ANO10: variants seen among roughly 807,000 people sequenced by gnomAD.
The protein encoded by ANO10 is anoctamin 10, also known as anoctamin-10.
Under a neutral mutation model 74.7 loss-of-function variants are expected in ANO10, and 77 were observed. The ratio of observed to expected loss-of-function variants is 1.03; its 90% CI spans 0.86 to 1.25. ANO10 has a LOEUF of 1.25. ANO10 is among the 50% of genes most tolerant of loss of function. The pLI is 0.00. For synonymous variants in ANO10, 279 were observed against 284.9 expected, an observed-to-expected ratio of 0.98 and a Z score of 0.21; for missense variants, 721 against 778.1, an observed-to-expected ratio of 0.93 and a Z score of 0.87.
Position 43,574,850 on chromosome 3 carries a change from C to A in ANO10, c.1177G>T (p.Glu393Ter). ...FLTSWENHRLESAYQNHLILK... is the reference protein window; with the variant it reads ...FLTSWENHRL ...ATTAGATGGTTCTGATAGGCAGATT[C>A]CAATCTGTGATTCTCTAAAACATTA... The change falls in exon 7 of 13, where the codon GAA becomes TAA. Residue 393 changes from glutamate (E) to a stop codon, truncating the protein, a stop_gained. Transcript: ENST00000292246. LOFTEE classifies it high-confidence loss of function. 1 of 1,613,912 alleles carries A rather than the reference C, an allele frequency of 6.2e-7. No individual in the cohort carries two copies. Among genetic ancestry groups the A allele is most frequent in the Non-Finnish European group, 8.5e-7 (1 of 1,179,864 alleles).
intron 11 of ANO10, 39 bp from the exon 12 acceptor site, chr3:43,432,766 AG>A: frequency 7.1e-6 from 9 of 1,268,774 alleles, no homozygotes; most frequent in South Asian, 1.2e-5. Context: ...GTGATACATC[AG>A]ACCATATATG....
At chr3:43,639,372 G>A (rs1242142851) in intron 1 of ANO10, among the ~76,000 whole-genome samples, 2 of 152,284 alleles carry the variant, frequency 1.3e-5, no homozygotes, top group Admixed American at 6.5e-5. Context: ...CCACACCCTT[G>A]CTAGGTGTTT....
intron 11 of ANO10, among the ~76,000 whole-genome samples, chr3:43,512,801 A>G (rs1054671841): frequency 6.6e-6 from 1 of 152,208 alleles, no homozygotes; most frequent in Non-Finnish European, 1.5e-5. Context: ...AAAAAACAAG[A>G]CAAACTTTAT....
At chr3:43,422,451 G>A (rs1008661100) in intron 12 of ANO10, among the ~76,000 whole-genome samples, 11 of 152,110 alleles carry the variant, frequency 7.2e-5, no homozygotes, top group African/African-American at 2.7e-4. Context: ...TAAGCATTCT[G>A]ATATCTCTAG....
At chr3:43,544,859 G>T (rs927529359) in intron 11 of ANO10, among the ~76,000 whole-genome samples, 4 of 150,316 alleles carry the variant, frequency 2.7e-5, no homozygotes, top group Middle Eastern at 3.5e-3. Context: ...CCTGGCTTTG[G>T]AAATGTGATC....
chr3:43,647,674 C>T (rs1046724348), intron 1 of ANO10, among the ~76,000 whole-genome samples: 4 of 152,112 alleles, frequency 2.6e-5, no homozygotes, highest in African/African-American at 7.2e-5. Flanking sequence ...ACTCTGTATT[C>T]GAAGTATTCA....
intron 11 of ANO10, among the ~76,000 whole-genome samples, chr3:43,544,507 T>C (rs1017839237): frequency 6.6e-6 from 1 of 151,888 alleles, no homozygotes; most frequent in African/African-American, 2.4e-5. Context: ...AAATGAAGAA[T>C]CAGGGCTGGG....
At chr3:43,505,589 T>C (rs994961466) in intron 11 of ANO10, among the ~76,000 whole-genome samples, 1 of 152,248 alleles carries the variant, frequency 6.6e-6, no homozygotes, top group Non-Finnish European at 1.5e-5. Context: ...TAACACATTT[T>C]CTTCACGTGC....
chr3:43,612,165 TATATATATATATATATATA>T (rs1483841912), intron 1 of ANO10, among the ~76,000 whole-genome samples: 1 of 131,420 alleles, frequency 7.6e-6, no homozygotes, highest in African/African-American at 3.1e-5. Flanking sequence ...TATATATATA[TATATATATATATATATATA>T]TGCCCAAGAA....
intron 11 of ANO10, among the ~76,000 whole-genome samples, chr3:43,527,781 A>G (rs2078272881): frequency 6.6e-6 from 1 of 152,164 alleles, no homozygotes; most frequent in African/African-American, 2.4e-5. Context: ...AGATAAAATC[A>G]CCCCCAGAAA....
At chr3:43,681,428 GC>G (rs1312354552) in intron 1 of ANO10, among the ~76,000 whole-genome samples, 1 of 152,124 alleles carries the variant, frequency 6.6e-6, no homozygotes, top group East Asian at 1.9e-4. Context: ...GATTCATAAA[GC>G]AAGTCCTCAG....
At chr3:43,444,383 G>A (rs188114351) in intron 11 of ANO10, among the ~76,000 whole-genome samples, 1 of 152,360 alleles carries the variant, frequency 6.6e-6, no homozygotes. Flanking sequence ...AAATCTGTAA[G>A]AGGGTTATGT....
intron 1 of ANO10, among the ~76,000 whole-genome samples, chr3:43,667,476 G>T (rs7629524): frequency 0.022 from 3,284 of 152,138 alleles, 77 homozygotes; most frequent in African/African-American, 0.053. Context: ...GGTACAGGTG[G>T]TTTTTTCTTA....
rs747310692 is a variant in ANO10, at chr3:43,396,076, A to ATT, written c.1915-29104_1915-29103dup. ...ATGCCTTTTATTAATTTATTTATTT[A>ATT]TTTTTTTTTTTTGCTTGATGGCGCT... On this transcript the variant is annotated intron_variant, in intron 12 of 12. Coordinates refer to ENST00000292246, the MANE Select transcript of ANO10 (RefSeq NM_018075.5). 2.3e-4 allele frequency among the ~76,000 whole-genome samples: 34 copies of ATT among 148,694 alleles called. No homozygotes were observed. The East Asian group carries it at 5.1e-3, about 22-fold the overall frequency.
intron 1 of ANO10, among the ~76,000 whole-genome samples, chr3:43,664,387 G>A (rs921688789): frequency 4.0e-5 from 6 of 151,842 alleles, no homozygotes; most frequent in African/African-American, 1.2e-4. Context: ...AACTCAAGAT[G>A]GATCAAAGAC....
intron 1 of ANO10, among the ~76,000 whole-genome samples, chr3:43,675,019 G>A (rs1212647947): frequency 6.6e-6 from 1 of 152,186 alleles, no homozygotes; most frequent in Non-Finnish European, 1.5e-5. Context: ...TGTGTCAACA[G>A]CAATGAGTCT....
intron 7 of ANO10, among the ~76,000 whole-genome samples, chr3:43,566,840 T>G (rs2149366093): frequency 6.6e-6 from 1 of 152,328 alleles, no homozygotes; most frequent in East Asian, 1.9e-4. Context: ...GGAGAATAAC[T>G]TTGACGAGCT....
intron 11 of ANO10, among the ~76,000 whole-genome samples, chr3:43,526,326 T>C (rs1039081953): frequency 1.1e-4 from 16 of 152,220 alleles, no homozygotes; most frequent in African/African-American, 3.4e-4. Context: ...GATTTAGATA[T>C]GCAACATGTA....
intron 1 of ANO10, among the ~76,000 whole-genome samples, chr3:43,629,202 C>T (rs1301089333): frequency 6.6e-6 from 1 of 152,116 alleles, no homozygotes; most frequent in Non-Finnish European, 1.5e-5. Flanking sequence ...TAGAAAAGAA[C>T]CTATGTGACT....
Sources: allele counts gnomAD v4.1 joint callset (sites outside exome capture counted in the v4.1 genomes callset), GRCh38; gene constraint gnomAD v4.1.1; transcripts MANE v1.5; gene names NCBI Gene and HGNC (gene_info 2026-07-23, HGNC 2026-07-21).